The following USP34 variants were observed in gnomAD, a reference collection of about 807,000 sequenced individuals.
USP34 encodes the protein ubiquitin carboxyl-terminal hydrolase 34.
USP34 carries 70 observed loss-of-function variants against 460.3 expected under a neutral mutation model. The observed-to-expected ratio is 0.15, with a 90% CI of 0.13 to 0.19. The LOEUF (loss-of-function observed/expected upper bound fraction) is 0.19, where lower values mean the gene tolerates loss of function less well. USP34 is among the 10% of genes least tolerant of loss of function. USP34 has a pLI of 1.00. For synonymous variants in USP34, 1,647 were observed against 1,405.3 expected, an observed-to-expected ratio of 1.17 and a Z score of -3.85; for missense variants, 3,985 against 4,236.2, an observed-to-expected ratio of 0.94 and a Z score of 1.65.
At chr2:61,208,816 A>G in intron 70 of USP34, 83 bp downstream of exon 70, 1 of 1,005,456 alleles carries the variant, frequency 9.9e-7, no homozygotes, top group Non-Finnish European at 1.4e-6. Flanking sequence ...GTTTACCATA[A>G]ACTCTAAATG....
intron 10 of USP34, among the ~76,000 whole-genome samples, chr2:61,351,862 C>CA (rs1228590163): frequency 1.3e-5 from 2 of 152,080 alleles, no homozygotes; most frequent in African/African-American, 4.8e-5. Context: ...GGCAGTACTT[C>CA]AATACTACAA....
At chr2:61,423,440 T>A (rs1227456669) in intron 1 of USP34, among the ~76,000 whole-genome samples, 2 of 151,786 alleles carry the variant, frequency 1.3e-5, no homozygotes, top group African/African-American at 4.8e-5. Context: ...AAAGGAAATA[T>A]TAAAAAAAAT....
chr2:61,400,121 T>C (rs1474582316), intron 3 of USP34, among the ~76,000 whole-genome samples: 1 of 151,840 alleles, frequency 6.6e-6, no homozygotes, highest in South Asian at 2.1e-4. Flanking sequence ...TTTTTTTTTT[T>C]TTTTTGGAGA....
chr2:61,222,775 C>T (rs1687622584), intron 64 of USP34, 112 bp from the exon 65 acceptor site: 3 of 969,908 alleles, frequency 3.1e-6, no homozygotes, highest in Non-Finnish European at 4.7e-6. Flanking sequence ...CAGCTCACTG[C>T]AGCCTCCACT....
chr2:61,229,031 G>T, intron 59 of USP34, 36 bp from the exon 60 acceptor site: 1 of 1,479,236 alleles, frequency 6.8e-7, no homozygotes, highest in Non-Finnish European at 9.1e-7. Flanking sequence ...GAGAATGTAT[G>T]AGGTCTGGAA....
Position 61,228,713 on chromosome 2 carries a change from A to C in USP34, c.7375T>G (p.Phe2459Val). Residue 2459 changes from phenylalanine (F) to valine (V), a missense_variant, in exon 61 of 80, where the codon TTT becomes GTT. Physicochemically the swap from Phe to Val is conservative, Grantham distance 50. This residue lies in a region of USP34 where 604 missense variants were observed against 684.8 expected (regional missense o/e 0.88). Transcript: ENST00000398571. ...GATATAGCTTGCAATGAAAGCAAAA[A>C]TTGGCTCTAAACAAACAAACAAACA... ...FAKMGEEESQ[F>V]LLSLQAISTM... 6.2e-7 allele frequency: 1 copy of C among 1,610,452 alleles called. No homozygotes were observed.
intron 51 of USP34, among the ~76,000 whole-genome samples, chr2:61,243,937 A>G (rs1267321634): frequency 3.3e-5 from 5 of 151,724 alleles, no homozygotes; most frequent in African/African-American, 1.2e-4. Context: ...TGGCTTTAGC[A>G]GTAACTCAAT....
At chr2:61,370,861 C>G (rs1448557932) in intron 8 of USP34, among the ~76,000 whole-genome samples, 1 of 152,170 alleles carries the variant, frequency 6.6e-6, no homozygotes, top group African/African-American at 2.4e-5. Context: ...ATGTATTATC[C>G]TACTCGAGGT....
At chr2:61,317,320 A>T (rs1302090916) in intron 23 of USP34, among the ~76,000 whole-genome samples, 1 of 152,210 alleles carries the variant, frequency 6.6e-6, no homozygotes, top group Non-Finnish European at 1.5e-5. Context: ...TAAGGTCAGG[A>T]GTGCAAGACC....
chr2:61,262,341 C>T (rs1349559631), intron 43 of USP34, among the ~76,000 whole-genome samples: 3 of 151,998 alleles, frequency 2.0e-5, no homozygotes, highest in Non-Finnish European at 4.4e-5. Context: ...CCTCTTCCCA[C>T]ACTCCACCCT....
At chr2:61,329,830 G>T (rs1342501291) in intron 20 of USP34, among the ~76,000 whole-genome samples, 1 of 152,120 alleles carries the variant, frequency 6.6e-6, no homozygotes, top group Non-Finnish European at 1.5e-5. Context: ...GGAATTAGAA[G>T]GGTAAATAAT....
intron 44 of USP34, among the ~76,000 whole-genome samples, chr2:61,258,219 T>C (rs1053964858): frequency 7.2e-5 from 11 of 152,038 alleles, no homozygotes; most frequent in African/African-American, 2.7e-4. Context: ...CCAGGCATGG[T>C]GGTACAAGCC....
chr2:61,236,519 A>G, intron 53 of USP34, 130 bp from the exon 54 acceptor site: 1 of 671,128 alleles, frequency 1.5e-6, no homozygotes, highest in East Asian at 2.9e-5. Flanking sequence ...CTTTAAGTTC[A>G]TTTTGATTTT....
chr2:61,456,515 G>A (rs1695445550), intron 1 of USP34, among the ~76,000 whole-genome samples: 1 of 152,120 alleles, frequency 6.6e-6, no homozygotes, highest in East Asian at 1.9e-4. Context: ...TGAAGATGTG[G>A]TATAAAAATG....
intron 35 of USP34, among the ~76,000 whole-genome samples, chr2:61,283,748 T>G (rs996816979): frequency 1.3e-5 from 2 of 152,140 alleles, no homozygotes; most frequent in Admixed American, 6.6e-5. Context: ...TCCCAATAGC[T>G]GGGACTACAA....
At chr2:61,377,327 C>T (rs997639902) in intron 8 of USP34, among the ~76,000 whole-genome samples, 2 of 152,038 alleles carry the variant, frequency 1.3e-5, no homozygotes, top group Non-Finnish European at 2.9e-5. Context: ...CAAACCAATC[C>T]AACTCTGTTC....
At chr2:61,279,581 C>G (rs979801044) in intron 39 of USP34, among the ~76,000 whole-genome samples, 1 of 152,158 alleles carries the variant, frequency 6.6e-6, no homozygotes, top group Non-Finnish European at 1.5e-5. Flanking sequence ...GATTCTGCCT[C>G]AGCCCTCCTG....
At chr2:61,449,796 G>A (rs542877868) in intron 1 of USP34, among the ~76,000 whole-genome samples, 21 of 149,670 alleles carry the variant, frequency 1.4e-4, no homozygotes, top group Non-Finnish European at 2.8e-4. Context: ...CAGCCGGCGC[G>A]GTGGCTCACG....
chr2:61,333,122 T>G lies in USP34; in HGVS notation c.2834+760A>C, dbSNP rs776291990. 3.9e-5 allele frequency among the ~76,000 whole-genome samples: 6 copies of G among 152,080 alleles called. No homozygotes were observed. In the South Asian group the frequency reaches 1.0e-3, roughly 26 times the overall value. On this transcript the variant is annotated intron_variant, in intron 19 of 79. Transcript: ENST00000398571. ...TAAAGCATACAACACATCTTCTTAA[T>G]GTATTGTTTGTGGTAGACAACTTTC... is the stretch of plus-strand genomic sequence containing the variant.
Sources: allele counts gnomAD v4.1 joint callset (sites outside exome capture counted in the v4.1 genomes callset), GRCh38; gene constraint gnomAD v4.1.1; regional missense constraint gnomAD v4.1.1; transcripts MANE v1.5; gene names NCBI Gene and HGNC (gene_info 2026-07-23, HGNC 2026-07-21).